Variants in FLNB observed in about 807,000 individuals in gnomAD.
FLNB encodes filamin-B.
In FLNB, 111 loss-of-function variants were observed where a neutral mutation model predicts 250.6. That is an observed-to-expected ratio of 0.44 (90% CI 0.38 to 0.52). The LOEUF (loss-of-function observed/expected upper bound fraction) is 0.52. FLNB is among the 20% of genes least tolerant of loss of function. FLNB has a pLI of 0.00. For missense variants in FLNB, 2,869 were observed against 3,447.8 expected (o/e 0.83, Z 4.20); for synonymous variants, 1,302 against 1,372.1 (o/e 0.95, Z 1.13).
intron 42 of FLNB, among the ~76,000 whole-genome samples, chr3:58,160,638 A>G (rs1276761056): frequency 6.6e-6 from 1 of 152,196 alleles, no homozygotes; most frequent in Non-Finnish European, 1.5e-5. Context: ...GAGGAGACCT[A>G]TGATTACTGC....
In FLNB at chr3:58,124,476, A is replaced by C; in HGVS notation, c.3869A>C (p.Tyr1290Ser). ...GTCACAGACAATGCGGATGGGACCT[A>C]CCAGGTGGAATACACACCCTTTGAG... is the stretch of plus-strand genomic sequence containing the variant. ...CFVTDNADGT[Y>S]QVEYTPFEKG... The change falls in exon 22 of 46, where the codon TAC (tyrosine) becomes TCC (serine). Residue 1290 changes from tyrosine to serine, a missense_variant. This residue lies in a region of FLNB where 1,348 missense variants were observed against 1,466.7 expected (regional missense o/e 0.92). Coordinates refer to ENST00000295956, the MANE Select transcript of FLNB (RefSeq NM_001457.4). 6 of 1,614,186 alleles carry C rather than the reference A, an allele frequency of 3.7e-6. No individual in the cohort carries two copies. Among genetic ancestry groups the C allele is most frequent in the Non-Finnish European group, 5.1e-6 (6 of 1,180,014 alleles).
At position 58,077,172 on chromosome 3, in the gene FLNB, C is replaced by A. The variant is rs748857986; in HGVS notation, c.419C>A (p.Thr140Lys). The change falls in exon 2 of 46, where the codon ACG (threonine) becomes AAG (lysine). Residue 140 changes from threonine to lysine, a missense_variant. Coordinates refer to ENST00000295956, the MANE Select transcript of FLNB (RefSeq NM_001457.4). ...DEGDDDAKKQ[T>K]PKQRLLGWIQ... The stretch of plus-strand genomic sequence containing the variant: ...GGGGATGATGATGCCAAGAAGCAGA[C>A]GCCAAAGCAGAGGCTGCTGGGGTGG... 1 of 1,614,006 alleles carries A rather than the reference C, an allele frequency of 6.2e-7. No individual in the cohort carries two copies. Among genetic ancestry groups the A allele is most frequent in the African/African-American group, 1.3e-5 (1 of 74,904 alleles).
intron 18 of FLNB, among the ~76,000 whole-genome samples, chr3:58,115,694 G>A (rs2097276694): frequency 6.6e-6 from 1 of 152,150 alleles, no homozygotes; most frequent in African/African-American, 2.4e-5. Context: ...CTTTGTGTCC[G>A]GATGCTCCCA....
chr3:58,073,259 G>T (rs2097197277), intron 1 of FLNB, among the ~76,000 whole-genome samples: 1 of 152,004 alleles, frequency 6.6e-6, no homozygotes, highest in Non-Finnish European at 1.5e-5. Context: ...TGTTTGATCT[G>T]GAATTTCTGA....
At chr3:58,074,799 T>C (rs1221603391) in intron 1 of FLNB, among the ~76,000 whole-genome samples, 1 of 152,206 alleles carries the variant, frequency 6.6e-6, no homozygotes, top group Non-Finnish European at 1.5e-5. Context: ...ATTTATACAA[T>C]TCATTATAGA....
intron 1 of FLNB, among the ~76,000 whole-genome samples, chr3:58,031,469 G>A (rs1057434835): frequency 4.0e-5 from 6 of 149,872 alleles, no homozygotes; most frequent in Admixed American, 1.3e-4. Flanking sequence ...GTCTCAATCT[G>A]CTGACCTTGT....
At chr3:58,068,394 T>G (rs2097189083) in intron 1 of FLNB, among the ~76,000 whole-genome samples, 1 of 152,118 alleles carries the variant, frequency 6.6e-6, no homozygotes, top group African/African-American at 2.4e-5. Flanking sequence ...TGAGCCAAAG[T>G]GCACAGTTCA....
intron 1 of FLNB, among the ~76,000 whole-genome samples, chr3:58,038,124 T>C (rs1424877857): frequency 6.6e-6 from 1 of 152,024 alleles, no homozygotes; most frequent in Non-Finnish European, 1.5e-5. Context: ...TTGCCTCCTG[T>C]GTTCAAGCGA....
At chr3:58,143,641 G>A in intron 32 of FLNB, 28 bp downstream of exon 32, 1 of 1,612,926 alleles carries the variant, frequency 6.2e-7, no homozygotes, top group Non-Finnish European at 8.5e-7. Flanking sequence ...GCCCAGCAGG[G>A]CTCCACCATT....
chr3:58,152,657 C>A, intron 38 of FLNB: 2 of 834,144 alleles, frequency 2.4e-6, no homozygotes, highest in Non-Finnish European at 3.3e-6. Flanking sequence ...ACATTCAGTT[C>A]ATTACATGGG....
At position 58,124,410 on chromosome 3, in the gene FLNB, C is replaced by A. The variant is rs976223666; in HGVS notation, c.3803C>A (p.Ala1268Asp). ...LTQVGGDHIK[A>D]HIANPSGAST... ...CAGGTTGGGGGTGACCACATCAAGG[C>A]CCACATTGCCAACCCCTCAGGGGCC... is the stretch of plus-strand genomic sequence containing the variant. The change falls in exon 22 of 46, where the codon GCC becomes GAC. Residue 1268 changes from alanine to aspartate, a missense_variant. Coordinates refer to ENST00000295956, the MANE Select transcript of FLNB (RefSeq NM_001457.4). The A allele has an allele frequency of 6.2e-7, 1 of 1,614,238 alleles. No homozygotes were observed. The highest frequency in any genetic ancestry group is 1.7e-5 in the Admixed American group (1 of 60,030).
chr3:58,155,521 GTAA>G (rs1485118932), intron 40 of FLNB, among the ~76,000 whole-genome samples: 6 of 152,244 alleles, frequency 3.9e-5, no homozygotes, highest in African/African-American at 9.6e-5. Context: ...AAGTGACAAA[GTAA>G]TAAGTGAAAA....
rs574578324 is a variant in FLNB, at chr3:58,101,855, G to A, written c.1346-348G>A. Reference sequence around the variant, plus strand: ...ATCCAATTACTGAGCCCTTGAGTATGGCAGTGAGGTTTGAATAATGTCCAG... The same window carrying A: ...ATCCAATTACTGAGCCCTTGAGTATAGCAGTGAGGTTTGAATAATGTCCAG... On this transcript the variant is annotated intron_variant, in intron 8 of 45. Transcript: ENST00000295956. 4.1e-4 allele frequency among the ~76,000 whole-genome samples: 63 copies of A among 152,324 alleles called. 2 individuals are homozygous for A. The South Asian group carries it at 0.013, about 31-fold the overall frequency.
intron 1 of FLNB, among the ~76,000 whole-genome samples, chr3:58,022,043 G>A (rs1238011636): frequency 6.6e-6 from 1 of 152,140 alleles, no homozygotes; most frequent in Non-Finnish European, 1.5e-5. Context: ...AAAGTGTGGG[G>A]ATTACAGGCA....
rs563792607 is a variant in FLNB, at chr3:58,008,441, C to T, written c.-124C>T. On this transcript the variant is annotated 5_prime_UTR_variant, in exon 1 of 46. Coordinates refer to ENST00000295956, the MANE Select transcript of FLNB (RefSeq NM_001457.4). ...GGCCGCAGAGCAGCACCGGCCGTGG[C>T]TCCGGTAGCAGCAAGTTCGAACCCC... 5.5e-5 allele frequency: 65 copies of T among 1,187,944 alleles called. No individual in the cohort carries two copies. The South Asian group carries it at 7.5e-4, about 14-fold the overall frequency. 73.6% of individuals were successfully genotyped at this position (1,187,944 alleles called of 1,614,324 possible). A position where few individuals can be genotyped will look rare whatever the true frequency, so the allele number is the denominator to read the frequency against.
At chr3:58,095,788 C>T (rs1002876195) in intron 5 of FLNB, among the ~76,000 whole-genome samples, 4 of 152,218 alleles carry the variant, frequency 2.6e-5, no homozygotes, top group South Asian at 4.1e-4. Context: ...ATCTGACTTG[C>T]TCATGTTTTA....
At position 58,131,021 on chromosome 3, in the gene FLNB, A is replaced by T. The variant is rs181343883; in HGVS notation, c.4390+113A>T. 6,336 of 991,432 alleles carry T rather than the reference A, an allele frequency of 6.4e-3. 35 individuals carry two copies. The highest frequency in any genetic ancestry group is 7.8e-3 in the East Asian group (292 of 37,438). The allele number at this position is 991,432 out of a possible 1,614,324, so 61.4% of individuals were successfully genotyped here. A position where few individuals can be genotyped will look rare whatever the true frequency, so the allele number is the denominator to read the frequency against. On this transcript the variant is annotated intron_variant, in intron 25 of 45. Transcript: ENST00000295956. ...TTGCTCATGAGCTTAAAATTAAATT[A>T]AAAAAAATTATTGTTTCATTTCTAG...
chr3:58,141,126 G>A (rs1559724242), intron 29 of FLNB, among the ~76,000 whole-genome samples: 1 of 151,944 alleles, frequency 6.6e-6, no homozygotes, highest in South Asian at 2.1e-4. Context: ...GGTGGTGCAC[G>A]CCTCTAGTCC....
At chr3:58,141,995 C>T in intron 30 of FLNB, 66 bp downstream of exon 30, 4 of 1,384,930 alleles carry the variant, frequency 2.9e-6, no homozygotes, top group Non-Finnish European at 4.1e-6. Flanking sequence ...AGAAAATCTG[C>T]CATCTGCTTC....
Sources: gnomAD v4.1 joint callset for allele counts (sites outside exome capture counted in the v4.1 genomes callset) on GRCh38, gnomAD v4.1.1 for gene constraint, gnomAD v4.1.1 regional missense constraint, MANE v1.5 for transcripts, NCBI Gene and HGNC (gene_info 2026-07-23, HGNC 2026-07-21) for gene names.